The following UBE2Z variants were observed in gnomAD, a reference collection of about 807,000 sequenced individuals.
The protein encoded by UBE2Z is ubiquitin-conjugating enzyme E2 Z.
In UBE2Z, 10 loss-of-function variants were observed where a neutral mutation model predicts 32.6. The ratio of observed to expected loss-of-function variants is 0.31; its 90% confidence interval spans 0.19 to 0.52. UBE2Z has a LOEUF of 0.52. Among genes scored for constraint, UBE2Z ranks in the 20% least tolerant of loss-of-function variants. UBE2Z has a pLI of 0.97. For synonymous variants in UBE2Z, 183 were observed against 190.8 expected (o/e 0.96, Z 0.34); for missense variants, 343 against 480.9 (o/e 0.71, Z 2.68).
intron 1 of UBE2Z, among the ~76,000 whole-genome samples, chr17:48,909,478 A>G (rs1364490509): frequency 5.5e-5 from 8 of 146,556 alleles, no homozygotes; most frequent in Non-Finnish European, 1.2e-4. Flanking sequence ...ACCTCCCCCC[A>G]ATTCCCCAGT....
chr17:48,917,229 C>T (rs982081898), intron 4 of UBE2Z, among the ~76,000 whole-genome samples: 4 of 152,130 alleles, frequency 2.6e-5, no homozygotes, highest in African/African-American at 7.2e-5. Context: ...GGCGTGAACC[C>T]AGGTGGTGGA....
In UBE2Z at chr17:48,927,994, C is replaced by G. The variant is rs1305876841; in HGVS notation, c.*860C>G. 1 of 152,236 alleles carries G rather than the reference C, an allele frequency of 6.6e-6. No homozygotes were observed. Among genetic ancestry groups the G allele is most frequent in the Non-Finnish European group, 1.5e-5 (1 of 68,052 alleles). The allele number at this position is 152,236 out of a possible 1,614,324, so 9.4% of individuals were successfully genotyped here. A position where few individuals can be genotyped will look rare whatever the true frequency, so the allele number is the denominator to read the frequency against. ...AGCCACTACATAGAATAGTCTCTTA[C>G]AGATTTTCATAAATACTAGTCACAA... On this transcript the variant is annotated 3_prime_UTR_variant, in exon 7 of 7. Coordinates refer to ENST00000360943, the MANE Select transcript of UBE2Z (RefSeq NM_023079.5).
intron 6 of UBE2Z, 34 bp downstream of exon 6, chr17:48,922,971 C>A: frequency 6.4e-7 from 1 of 1,569,862 alleles, no homozygotes; most frequent in Non-Finnish European, 8.7e-7. Flanking sequence ...TGCAGAAGCC[C>A]TACAGCTGGC....
chr17:48,916,258 G>GTTGTTTTTTTT, intron 4 of UBE2Z, 71 bp downstream of exon 4: 1 of 415,732 alleles, frequency 2.4e-6, no homozygotes, highest in Non-Finnish European at 3.8e-6. Flanking sequence ...TGGTTTTTTT[G>GTTGTTTTTTTT]TTTTTTTTTT....
chr17:48,908,948 C>A (rs1319221034), intron 1 of UBE2Z, 128 bp downstream of exon 1: 3 of 639,706 alleles, frequency 4.7e-6, no homozygotes, highest in Non-Finnish European at 6.9e-6. Context: ...CCTCCACGGC[C>A]CAAATCTTGC....
In UBE2Z at chr17:48,925,040, T is replaced by G. The variant is rs1171957595; in HGVS notation, c.895-1924T>G. ...GCTCATGCCTGTGATCCCAGTACTT[T>G]GGTAGGCCGAGGCAGACAGATCACT... On this transcript the variant is annotated intron_variant, in intron 6 of 6. Transcript: ENST00000360943. 1.6e-4 allele frequency among the ~76,000 whole-genome samples: 25 copies of G among 151,828 alleles called. 2 individuals carry two copies. Among genetic ancestry groups the G allele is most frequent in the Admixed American group, 1.6e-3 (25 of 15,230 alleles).
chr17:48,910,649 G>A, intron 1 of UBE2Z, 159 bp from the exon 2 acceptor site: 1 of 598,716 alleles, frequency 1.7e-6, no homozygotes. Flanking sequence ...ACTCAGCTGA[G>A]ATTTCTCAGC....
At chr17:48,915,658 C>T (rs2040713461) in intron 3 of UBE2Z, 1 of 210,210 alleles carries the variant, frequency 4.8e-6, no homozygotes, top group South Asian at 6.5e-5. Context: ...CTTCAGTCAC[C>T]TGTGTCCCTT....
At chr17:48,911,147 G>T in intron 2 of UBE2Z, 1 of 444,906 alleles carries the variant, frequency 2.2e-6, no homozygotes. Flanking sequence ...TATTTATAGG[G>T]CATTCTTTCA....
chr17:48,917,585 C>G (rs1184341128), intron 4 of UBE2Z, among the ~76,000 whole-genome samples: 1 of 152,122 alleles, frequency 6.6e-6, no homozygotes, highest in Non-Finnish European at 1.5e-5. Context: ...CCGGGCAAGA[C>G]TTTTTGAGTT....
chr17:48,919,500 A>G (rs1327019108), intron 4 of UBE2Z, among the ~76,000 whole-genome samples: 3 of 152,172 alleles, frequency 2.0e-5, no homozygotes, highest in African/African-American at 2.4e-5. Flanking sequence ...TCTTTGAGAC[A>G]AAGTCTTGCT....
At chr17:48,910,761 C>G (rs1404595225) in intron 1 of UBE2Z, 47 bp from the exon 2 acceptor site, 1 of 1,437,704 alleles carries the variant, frequency 7.0e-7, no homozygotes, top group Admixed American at 1.7e-5. Flanking sequence ...TTCCCCCTTT[C>G]CCCCTCTTCC....
chr17:48,915,423 C>T (rs1282018936), intron 3 of UBE2Z, among the ~76,000 whole-genome samples: 1 of 152,142 alleles, frequency 6.6e-6, no homozygotes, highest in Non-Finnish European at 1.5e-5. Context: ...TCCAAGCTGT[C>T]CCCTCCCCCT....
intron 4 of UBE2Z, among the ~76,000 whole-genome samples, chr17:48,918,404 G>T (rs576999529): frequency 2.2e-4 from 34 of 151,794 alleles, no homozygotes; most frequent in African/African-American, 7.7e-4. Flanking sequence ...TGTGATCTCG[G>T]CTCACTGCAG....
At chr17:48,910,464 G>A (rs185363542) in intron 1 of UBE2Z, 6 of 263,470 alleles carry the variant, frequency 2.3e-5, no homozygotes, top group Non-Finnish European at 3.7e-5. Flanking sequence ...GAATCATGGA[G>A]GTGGGGAGTG....
intron 4 of UBE2Z, 102 bp from the exon 5 acceptor site, chr17:48,921,058 T>C: frequency 2.3e-6 from 2 of 882,314 alleles, no homozygotes; most frequent in Non-Finnish European, 3.6e-6. Flanking sequence ...CTTTTTAGTT[T>C]GTGTGACTGG....
chr17:48,925,631 GT>G (rs2040792603), intron 6 of UBE2Z, among the ~76,000 whole-genome samples: 1 of 152,192 alleles, frequency 6.6e-6, no homozygotes, highest in South Asian at 2.1e-4. Context: ...CAATATCAGT[GT>G]GTAAAGGAAA....
rs2040805638 is a variant in UBE2Z, at chr17:48,927,389, A to T, written c.*255A>T. On this transcript the variant is annotated 3_prime_UTR_variant, in exon 7 of 7. Coordinates refer to ENST00000360943, the MANE Select transcript of UBE2Z (RefSeq NM_023079.5). Reference sequence around the variant, plus strand: ...TCAGGGGCCAAGGTACCTTTACAGGAGCACCTAGAGCGAGGGCCTTTGGCA... The same window carrying T: ...TCAGGGGCCAAGGTACCTTTACAGGTGCACCTAGAGCGAGGGCCTTTGGCA... 6.8e-6 allele frequency: 3 copies of T among 439,844 alleles called. No homozygotes were observed. Among genetic ancestry groups the T allele is most frequent in the Non-Finnish European group, 1.3e-5 (3 of 239,686 alleles). 27.2% of individuals were successfully genotyped at this position (439,844 alleles called of 1,614,324 possible).
Position 48,913,200 on chromosome 17 carries a change from G to A in UBE2Z, c.578+179G>A, listed in dbSNP as rs191752330. Among the ~76,000 whole-genome samples the A allele has an allele frequency of 7.0e-4, 106 of 152,244 alleles. No individual in the cohort carries two copies. The East Asian group carries it at 0.019, about 27-fold the overall frequency. The stretch of plus-strand genomic sequence containing the variant: ...ATCATTCTAGATGCAGAGGGGAGAA[G>A]TTAATTTATTACAGTGGTAACCTTT... On this transcript the variant is annotated intron_variant, in intron 3 of 6. Transcript: ENST00000360943.
Sources: gnomAD v4.1 joint callset for allele counts (sites outside exome capture counted in the v4.1 genomes callset) on GRCh38, gnomAD v4.1.1 for gene constraint, MANE v1.5 for transcripts, NCBI Gene and HGNC (gene_info 2026-07-23, HGNC 2026-07-21) for gene names.